MATN2: variants seen among roughly 807,000 people sequenced by gnomAD.
The protein encoded by MATN2 is matrilin 2, also known as matrilin-2.
A neutral mutation model predicts 103.2 loss-of-function variants in MATN2; 69 were observed. That is an observed-to-expected ratio of 0.67 (90% CI 0.55 to 0.82). The LOEUF is 0.82. Ranked by LOEUF, MATN2 falls within the 40% of genes least tolerant of loss-of-function variation. MATN2 has a pLI of 0.00. For synonymous variants in MATN2, 429 were observed against 450.2 expected, an observed-to-expected ratio of 0.95 and a Z score of 0.60; for missense variants, 1,023 against 1,211.5, an observed-to-expected ratio of 0.84 and a Z score of 2.31.
chr8:97,986,999 AT>A (rs531958193), intron 6 of MATN2, among the ~76,000 whole-genome samples: 26,865 of 143,094 alleles, frequency 0.19, 2,620 homozygotes, highest in African/African-American at 0.27. Context: ...CGCCCAGCTA[AT>A]TTTTTTTTTT....
At chr8:97,913,503 C>T (rs952008067) in intron 2 of MATN2, among the ~76,000 whole-genome samples, 5 of 151,534 alleles carry the variant, frequency 3.3e-5, no homozygotes, top group Non-Finnish European at 7.4e-5. Flanking sequence ...TTAGTAGAGA[C>T]GGGGTTTCGC....
intron 2 of MATN2, among the ~76,000 whole-genome samples, chr8:97,899,215 C>T (rs551175296): frequency 1.6e-4 from 24 of 152,296 alleles, no homozygotes; most frequent in African/African-American, 5.5e-4. Context: ...CAAAACTGCA[C>T]TTAGCCTGTA....
chr8:97,881,359 A>G (rs1394393863), intron 1 of MATN2, among the ~76,000 whole-genome samples: 2 of 152,202 alleles, frequency 1.3e-5, no homozygotes, highest in African/African-American at 2.4e-5. Context: ...GGCCCACACC[A>G]TACAGTTCTG....
chr8:98,010,681 G>A (rs1369172063), intron 10 of MATN2, among the ~76,000 whole-genome samples: 1 of 152,150 alleles, frequency 6.6e-6, no homozygotes, highest in Non-Finnish European at 1.5e-5. Flanking sequence ...TCCTTGGAGG[G>A]GCCCCAGAGA....
At chr8:97,991,871 A>T (rs79751482) in intron 6 of MATN2, among the ~76,000 whole-genome samples, 9,290 of 152,194 alleles carry the variant, frequency 0.061, 926 homozygotes, top group African/African-American at 0.21. Context: ...GCTGAATTTT[A>T]ATTGTTATTT....
intron 13 of MATN2, chr8:98,024,858 A>T (rs1333633651): frequency 2.0e-5 from 3 of 152,228 alleles, no homozygotes; most frequent in Non-Finnish European, 4.4e-5. Context: ...AAAATAGTCT[A>T]ATAAGTGGGG....
At chr8:97,875,845 G>A (rs1212163452) in intron 1 of MATN2, among the ~76,000 whole-genome samples, 1 of 149,768 alleles carries the variant, frequency 6.7e-6, no homozygotes, top group South Asian at 2.1e-4. Context: ...ACAGGTGCCC[G>A]CCACCCTGAC....
At chr8:97,976,525 T>C (rs1477851330) in intron 5 of MATN2, among the ~76,000 whole-genome samples, 1 of 152,220 alleles carries the variant, frequency 6.6e-6, no homozygotes, top group African/African-American at 2.4e-5. Flanking sequence ...AATATGTCAT[T>C]ATCTTCTCCA....
At position 97,931,088 on chromosome 8, in the gene MATN2, T is replaced by A; in HGVS notation, c.278T>A (p.Val93Asp). Residue 93 changes from valine (V) to aspartate (D), a missense_variant, in exon 3 of 19, where the codon GTC becomes GAC. Coordinates refer to ENST00000254898, the MANE Select transcript of MATN2 (RefSeq NM_002380.5). The surrounding 1 kb of genome is among the most constrained non-coding windows in gnomAD (Gnocchi z 4.1). ...ILQFLDIGPD[V>D]TRVGLLQYGS... ...CAATTCTTGGACATTGGTCCTGATG[T>A]CACCCGAGTGGGCCTGCTCCAATAT... The A allele has an allele frequency of 6.2e-7, 1 of 1,614,056 alleles. No homozygotes were observed. The highest frequency in any genetic ancestry group is 8.5e-7 in the Non-Finnish European group (1 of 1,179,892).
chr8:97,976,874 G>A (rs952665897), intron 5 of MATN2, among the ~76,000 whole-genome samples: 1 of 151,952 alleles, frequency 6.6e-6, no homozygotes, highest in Non-Finnish European at 1.5e-5. Flanking sequence ...AGGTGTATTA[G>A]TTTGCTAGAG....
intron 7 of MATN2, among the ~76,000 whole-genome samples, chr8:97,998,550 G>A (rs1417783355): frequency 1.4e-5 from 2 of 144,132 alleles, no homozygotes; most frequent in African/African-American, 5.1e-5. Flanking sequence ...AATCTTGCTT[G>A]AAACATTATT....
intron 18 of MATN2, chr8:98,034,338 A>G (rs16896577): frequency 0.027 from 10,319 of 379,370 alleles, 955 homozygotes; most frequent in African/African-American, 0.2. Context: ...CAAGTGCTCT[A>G]AACTTAAAAT....
At position 98,035,858 on chromosome 8, in the gene MATN2, C is replaced by A; in HGVS notation, c.*146C>A. ...CTGAGAAACCTGGTTTGCCACAGAA[C>A]AAAGACAAGAAGTATACACTAACTT... On this transcript the variant is annotated 3_prime_UTR_variant, in exon 19 of 19. Coordinates refer to ENST00000254898, the MANE Select transcript of MATN2 (RefSeq NM_002380.5). 2.2e-6 allele frequency: 1 copy of A among 457,650 alleles called. No individual in the cohort carries two copies. Among genetic ancestry groups the A allele is most frequent in the Non-Finnish European group, 3.9e-6 (1 of 254,304 alleles). The allele number at this position is 457,650 out of a possible 1,614,324, so 28.3% of individuals were successfully genotyped here. A position where few individuals can be genotyped will look rare whatever the true frequency, so the allele number is the denominator to read the frequency against.
At chr8:97,936,057 G>A (rs1810360597) in intron 3 of MATN2, among the ~76,000 whole-genome samples, 1 of 152,142 alleles carries the variant, frequency 6.6e-6, no homozygotes, top group Admixed American at 6.6e-5. Context: ...CCACAGCAAG[G>A]GGAATCCTGA....
intron 6 of MATN2, among the ~76,000 whole-genome samples, chr8:97,984,604 G>A (rs1812132988): frequency 6.6e-6 from 1 of 152,224 alleles, no homozygotes; most frequent in South Asian, 2.1e-4. Flanking sequence ...AAGCCTTATG[G>A]AGGGATGAGA....
intron 17 of MATN2, 106 bp downstream of exon 17, chr8:98,033,282 T>C: frequency 1.9e-6 from 2 of 1,031,964 alleles, no homozygotes; most frequent in Non-Finnish European, 1.4e-6. Flanking sequence ...TAGGAAATAG[T>C]ATAGAGGAAA....
intron 13 of MATN2, among the ~76,000 whole-genome samples, chr8:98,021,976 T>G (rs1321785960): frequency 2.0e-5 from 3 of 152,222 alleles, no homozygotes; most frequent in Admixed American, 6.5e-5. Context: ...AGAGGGCAAT[T>G]TGGCAATGTT....
chr8:98,016,871 T>A (rs942932839), intron 11 of MATN2, among the ~76,000 whole-genome samples: 1 of 152,198 alleles, frequency 6.6e-6, no homozygotes, highest in African/African-American at 2.4e-5. Flanking sequence ...TAGTTAATAA[T>A]CATGTATCAG....
In MATN2 at chr8:97,918,656, G is replaced by A. The variant is rs147302702; in HGVS notation, c.143-12297G>A. Among the ~76,000 whole-genome samples, 599 of 152,312 alleles carry A rather than the reference G, an allele frequency of 3.9e-3. 3 individuals carry two copies. The highest frequency in any genetic ancestry group is 6.8e-3 in the Non-Finnish European group (463 of 68,024). ...GAAGTGGGGAGATTTGCACTTAGGC[G>A]ACTGTGTCTTGAGTTGAGCTTTATC... On this transcript the variant is annotated intron_variant, in intron 2 of 18. Transcript: ENST00000254898.
Sources: allele counts gnomAD v4.1 joint callset (sites outside exome capture counted in the v4.1 genomes callset), GRCh38; gene constraint gnomAD v4.1.1; non-coding constraint Gnocchi (gnomAD v3.1); transcripts MANE v1.5; gene names NCBI Gene and HGNC (gene_info 2026-07-23, HGNC 2026-07-21).